The following MPP2 variants were observed in gnomAD, a reference collection of about 807,000 sequenced individuals.
MPP2 encodes the protein MAGUK p55 subfamily member 2.
Under a neutral mutation model 58.5 loss-of-function variants are expected in MPP2, and 42 were observed. That is an observed-to-expected ratio of 0.72 (90% CI 0.56 to 0.93). MPP2 has a LOEUF of 0.93. Among genes scored for constraint, MPP2 ranks in the 40% least tolerant of loss-of-function variants. The pLI is 0.00. For missense variants in MPP2, 632 were observed against 760.4 expected (o/e 0.83, Z 1.99); for synonymous variants, 300 against 307.8 (o/e 0.97, Z 0.26).
At chr17:43,907,341 G>T in intron 1 of MPP2, 133 bp downstream of exon 1, 2 of 985,744 alleles carry the variant, frequency 2.0e-6, no homozygotes, top group Non-Finnish European at 2.4e-6. Context: ...GGTGGACAGG[G>T]AGGGAACGGG....
chr17:43,908,492 TGGGAGTCGGAGGC>T (rs1322800269), upstream of MPP2, among the ~76,000 whole-genome samples: 1 of 152,170 alleles, frequency 6.6e-6, no homozygotes, highest in Non-Finnish European at 1.5e-5. Flanking sequence ...CCCAACACTT[TGGGAGTCGGAGGC>T]GGGAGCATCG....
upstream of MPP2, chr17:43,909,598 G>A (rs2048386091): frequency 6.7e-7 from 1 of 1,485,772 alleles, no homozygotes; most frequent in East Asian, 2.6e-5. Flanking sequence ...AGGACAGTCT[G>A]GGATCTCAGA....
At chr17:43,887,115 G>A (rs112137078) in intron 3 of MPP2, among the ~76,000 whole-genome samples, 5,787 of 152,034 alleles carry the variant, frequency 0.038, 399 homozygotes, top group African/African-American at 0.13. Context: ...CACTTTGGGA[G>A]GTCAAGGAGG....
At chr17:43,887,916 T>TTG in intron 3 of MPP2, among the ~76,000 whole-genome samples, 1 of 152,244 alleles carries the variant, frequency 6.6e-6, no homozygotes, top group East Asian at 1.9e-4. Flanking sequence ...ATACAATCTA[T>TTG]TATGGCTGAG....
chr17:43,892,611 C>T (rs2047653951), intron 3 of MPP2, among the ~76,000 whole-genome samples: 1 of 151,960 alleles, frequency 6.6e-6, no homozygotes, highest in African/African-American at 2.4e-5. Context: ...TTCACAACCA[C>T]AGGGAGAAAG....
At chr17:43,881,804 G>A (rs997911009) in intron 6 of MPP2, among the ~76,000 whole-genome samples, 4 of 152,080 alleles carry the variant, frequency 2.6e-5, no homozygotes, top group African/African-American at 9.7e-5. Flanking sequence ...CCAAGGATGC[G>A]GGACCACCAA....
At chr17:43,893,264 C>G (rs2047684604) in intron 3 of MPP2, among the ~76,000 whole-genome samples, 1 of 152,188 alleles carries the variant, frequency 6.6e-6, no homozygotes, top group Admixed American at 6.5e-5. Flanking sequence ...GATGTGGGCT[C>G]ATAAACCCAA....
intron 2 of MPP2, chr17:43,900,564 G>T: frequency 6.5e-7 from 1 of 1,541,182 alleles, no homozygotes; most frequent in East Asian, 2.5e-5. Flanking sequence ...GCGGCCCCCA[G>T]ACCCGGGGAC....
intron 1 of MPP2, chr17:43,906,120 G>T (rs231481): frequency 0.37 from 359,411 of 978,152 alleles, 68,547 homozygotes; most frequent in East Asian, 0.66. Context: ...CCCTCACAGG[G>T]TCAGAGAAGG....
chr17:43,880,554 C>T lies in MPP2; in HGVS notation c.1150+137G>A, dbSNP rs575783605. The T allele has an allele frequency of 7.3e-5, 70 of 953,850 alleles. No individual in the cohort carries two copies. Among genetic ancestry groups the T allele is most frequent in the East Asian group, 4.2e-4 (15 of 35,792 alleles). The allele number at this position is 953,850 out of a possible 1,614,324, so 59.1% of individuals were successfully genotyped here. A position where few individuals can be genotyped will look rare whatever the true frequency, so the allele number is the denominator to read the frequency against. On this transcript the variant is annotated intron_variant, in intron 10 of 12. Transcript: ENST00000269095. The surrounding 1 kb of genome is among the most constrained non-coding windows in gnomAD (Gnocchi z 5.2). ...AGTTCCCCTAACCACCCACAGAGGG[C>T]GTGCACCCCAACCCGTGTACCCAAA...
rs760074157 is a variant in MPP2 at position 43,879,769 on chromosome 17, A to T, written c.1353+13T>A. ...GACATTGGGCAGGCTGGGAAGGAGCAGAGTGGCGGTACCTGGGGGTTGACA... is the reference window on the plus strand; with the variant it reads ...GACATTGGGCAGGCTGGGAAGGAGCTGAGTGGCGGTACCTGGGGGTTGACA... On this transcript the variant is annotated intron_variant, in intron 11 of 12. Coordinates refer to ENST00000269095, the MANE Select transcript of MPP2 (RefSeq NM_005374.5). The surrounding 1 kb of genome is among the most constrained non-coding windows in gnomAD (Gnocchi z 4.1). 1 of 1,612,634 alleles carries T rather than the reference A, an allele frequency of 6.2e-7. No homozygotes were observed. Among genetic ancestry groups the T allele is most frequent in the Admixed American group, 1.7e-5 (1 of 60,000 alleles).
At chr17:43,883,174 C>G in intron 4 of MPP2, 29 bp downstream of exon 4, 1 of 1,584,058 alleles carries the variant, frequency 6.3e-7, no homozygotes, top group Non-Finnish European at 8.6e-7. Flanking sequence ...ACCTCCTGCT[C>G]CCTCACCCCA....
intron 3 of MPP2, among the ~76,000 whole-genome samples, chr17:43,891,768 A>T (rs986796044): frequency 6.6e-6 from 1 of 152,176 alleles, no homozygotes; most frequent in African/African-American, 2.4e-5. Context: ...TTAATTTTTT[A>T]AAAATTCCTC....
chr17:43,901,095 C>A (rs148866015), intron 2 of MPP2, among the ~76,000 whole-genome samples: 169 of 152,270 alleles, frequency 1.1e-3, no homozygotes, highest in African/African-American at 3.9e-3. Flanking sequence ...TTACAATAGT[C>A]CCTCAGTCTA....
chr17:43,882,675 T>A (rs2047190353), intron 5 of MPP2, among the ~76,000 whole-genome samples, 164 bp from the exon 6 acceptor site: 1 of 134,216 alleles, frequency 7.5e-6, no homozygotes, highest in Non-Finnish European at 1.5e-5. Flanking sequence ...CAGCAGGTAC[T>A]AATGAGGGGA....
intron 3 of MPP2, 178 bp downstream of exon 3, chr17:43,898,084 C>A (rs2047924791): frequency 1.6e-6 from 1 of 613,448 alleles, no homozygotes; most frequent in Non-Finnish European, 2.9e-6. Context: ...GGGGCAGCCC[C>A]CTCTACCTGC....
At chr17:43,888,050 A>C (rs1296466229) in intron 3 of MPP2, among the ~76,000 whole-genome samples, 6 of 152,178 alleles carry the variant, frequency 3.9e-5, no homozygotes, top group Non-Finnish European at 7.3e-5. Flanking sequence ...ATATATTCTT[A>C]AATTTTTTCA....
upstream of MPP2, among the ~76,000 whole-genome samples, chr17:43,908,858 A>C (rs528227167): frequency 6.6e-6 from 1 of 152,338 alleles, no homozygotes; most frequent in African/African-American, 2.4e-5. Flanking sequence ...GTTTGGATAT[A>C]GGAAAAAGCC....
chr17:43,890,990 C>T (rs1318988393), intron 3 of MPP2, among the ~76,000 whole-genome samples: 1 of 152,214 alleles, frequency 6.6e-6, no homozygotes, highest in Admixed American at 6.5e-5. Context: ...AGCCACGACA[C>T]AGCACGATGG....
Sources: allele counts gnomAD v4.1 joint callset (sites outside exome capture counted in the v4.1 genomes callset), GRCh38; gene constraint gnomAD v4.1.1; non-coding constraint Gnocchi (gnomAD v3.1); transcripts MANE v1.5; gene names NCBI Gene and HGNC (gene_info 2026-07-23, HGNC 2026-07-21).